TWSG1: variants seen among roughly 807,000 people sequenced by gnomAD.
TWSG1 encodes twisted gastrulation BMP signaling modulator 1.
TWSG1 carries 15 observed loss-of-function variants against 23.0 expected under a neutral mutation model. The observed-to-expected ratio is 0.65, with a 90% CI of 0.44 to 1.00. The LOEUF (loss-of-function observed/expected upper bound fraction) is 1.00, where lower values mean the gene tolerates loss of function less well. TWSG1 is among the 50% of genes least tolerant of loss of function. The pLI, the probability that TWSG1 is intolerant of heterozygous loss-of-function variation, is 0.00. For synonymous variants in TWSG1, 86 were observed against 92.8 expected, an observed-to-expected ratio of 0.93 and a Z score of 0.42; for missense variants, 242 against 278.7, an observed-to-expected ratio of 0.87 and a Z score of 0.94.
At chr18:9,391,577 C>A (rs2040713329) in intron 3 of TWSG1, among the ~76,000 whole-genome samples, 2 of 152,196 alleles carry the variant, frequency 1.3e-5, no homozygotes, top group South Asian at 4.1e-4. Flanking sequence ...GGAGGCACTT[C>A]CTGCTGCCGC....
At chr18:9,372,267 A>G (rs2064849067) in intron 3 of TWSG1, among the ~76,000 whole-genome samples, 1 of 151,558 alleles carries the variant, frequency 6.6e-6, no homozygotes, top group African/African-American at 2.4e-5. Context: ...TAAATACTAT[A>G]CTTTTTCCTA....
At chr18:9,383,395 T>C (rs947932189) in intron 3 of TWSG1, among the ~76,000 whole-genome samples, 3 of 152,072 alleles carry the variant, frequency 2.0e-5, no homozygotes, top group Admixed American at 1.3e-4. Flanking sequence ...GTTTTCACCA[T>C]GTTGGCCAGG....
Position 9,399,467 on chromosome 18 carries a change from T to G in TWSG1, c.612T>G (p.Ile204Met). ...TTCATAATGCCTGCTGCGAGTGCAT[T>G]GGTCCAGAATGTATTGACTATGGTA... ...RWFHNACCECIGPECIDYGSK... is the reference protein window; with the variant it reads ...RWFHNACCECMGPECIDYGSK... Residue 204 changes from isoleucine to methionine, a missense_variant, in exon 5 of 5, where the codon ATT becomes ATG. By Grantham distance (10) the Ile-to-Met change is conservative. Transcript: ENST00000262120. 6.2e-7 allele frequency: 1 copy of G among 1,614,054 alleles called. No individual in the cohort carries two copies. Among genetic ancestry groups the G allele is most frequent in the Non-Finnish European group, 8.5e-7 (1 of 1,179,996 alleles).
intron 2 of TWSG1, among the ~76,000 whole-genome samples, chr18:9,345,864 CAG>C (rs1317413354): frequency 6.6e-6 from 1 of 152,124 alleles, no homozygotes; most frequent in African/African-American, 2.4e-5. Context: ...AAAAATTGAG[CAG>C]AGAGTATAAA....
chr18:9,394,694 T>G lies in TWSG1; in HGVS notation c.224-1586T>G, dbSNP rs1228034326. Among the ~76,000 whole-genome samples, 4 of 151,478 alleles carry G rather than the reference T, an allele frequency of 2.6e-5. No homozygotes were observed. The East Asian group carries it at 7.7e-4, about 29-fold the overall frequency. ...CATAAGTATAATTATTATGTCAATT[T>G]ACAAAAACATTTTATCATTGCATTT... On this transcript the variant is annotated intron_variant, in intron 3 of 4. Transcript: ENST00000262120.
At chr18:9,392,179 A>T (rs2040715969) in intron 3 of TWSG1, among the ~76,000 whole-genome samples, 1 of 152,256 alleles carries the variant, frequency 6.6e-6, no homozygotes, top group Admixed American at 6.5e-5. Flanking sequence ...ACTTCTTTCT[A>T]GCTAGGAAAG....
chr18:9,370,970 T>G (rs2040602399), intron 3 of TWSG1, among the ~76,000 whole-genome samples: 1 of 152,104 alleles, frequency 6.6e-6, no homozygotes, highest in African/African-American at 2.4e-5. Context: ...AATGGAATAA[T>G]GATCACTTAA....
intron 2 of TWSG1, among the ~76,000 whole-genome samples, chr18:9,346,405 T>G (rs531184649): frequency 6.6e-6 from 1 of 152,342 alleles, no homozygotes; most frequent in South Asian, 2.1e-4. Context: ...ACTCACTGAT[T>G]AGTATGGATG....
At chr18:9,368,283 C>T (rs934874865) in intron 3 of TWSG1, among the ~76,000 whole-genome samples, 12 of 152,120 alleles carry the variant, frequency 7.9e-5, no homozygotes, top group Admixed American at 6.5e-4. Flanking sequence ...CTCACTGCAA[C>T]CTCCGCCTCC....
At chr18:9,384,440 A>G (rs552432232) in intron 3 of TWSG1, among the ~76,000 whole-genome samples, 4 of 152,134 alleles carry the variant, frequency 2.6e-5, no homozygotes, top group African/African-American at 4.8e-5. Flanking sequence ...ACATTTTCCA[A>G]CTCCTTCAAG....
At chr18:9,351,648 G>GT (rs2040502818) in intron 2 of TWSG1, among the ~76,000 whole-genome samples, 6 of 97,406 alleles carry the variant, frequency 6.2e-5, no homozygotes, top group Non-Finnish European at 8.8e-5. Context: ...TTGTCTTTTT[G>GT]TTTTTTTGTT....
rs1485109781 is a variant in TWSG1 at position 9,399,904 on chromosome 18, T to C, written c.*377T>C. 2 of 162,092 alleles carry C rather than the reference T, an allele frequency of 1.2e-5. No individual in the cohort carries two copies. Among genetic ancestry groups the C allele is most frequent in the African/African-American group, 4.8e-5 (2 of 41,652 alleles). The allele number at this position is 162,092 out of a possible 1,614,324, so 10.0% of individuals were successfully genotyped here. A position where few individuals can be genotyped will look rare whatever the true frequency, so the allele number is the denominator to read the frequency against. On this transcript the variant is annotated 3_prime_UTR_variant, in exon 5 of 5. Transcript: ENST00000262120. The stretch of plus-strand genomic sequence containing the variant: ...AGCAGAAGCATGTTGATGTGAATTA[T>C]GATTTCTTCATGTGCTACTGTTAGC...
intron 3 of TWSG1, among the ~76,000 whole-genome samples, chr18:9,387,506 C>T (rs745715652): frequency 4.0e-5 from 6 of 151,878 alleles, no homozygotes; most frequent in East Asian, 1.9e-4. Context: ...ATGGCTCATG[C>T]GTAATCCCAG....
chr18:9,396,602 T>C (rs773215209), intron 4 of TWSG1, 56 bp downstream of exon 4: 1 of 1,572,052 alleles, frequency 6.4e-7, no homozygotes, highest in South Asian at 1.2e-5. Flanking sequence ...TCTGTCCATG[T>C]AATCTATAAA....
intron 3 of TWSG1, among the ~76,000 whole-genome samples, chr18:9,360,388 T>C (rs528945686): frequency 4.1e-4 from 63 of 152,220 alleles, no homozygotes; most frequent in African/African-American, 1.5e-3. Flanking sequence ...TAATAAGAAG[T>C]AGGTTTTATA....
chr18:9,336,749 GAT>G (rs2040425232), intron 1 of TWSG1, among the ~76,000 whole-genome samples: 1 of 152,192 alleles, frequency 6.6e-6, no homozygotes, highest in Non-Finnish European at 1.5e-5. Flanking sequence ...TGAGGGTTTA[GAT>G]ATACTCACTC....
At chr18:9,368,109 T>C (rs1439037668) in intron 3 of TWSG1, among the ~76,000 whole-genome samples, 3 of 152,222 alleles carry the variant, frequency 2.0e-5, no homozygotes, top group African/African-American at 7.2e-5. Context: ...CTTTTCTCCA[T>C]GCCCTCCCTC....
In TWSG1 at chr18:9,341,161, G is replaced by A. The variant is rs117061370; in HGVS notation, c.123+3809G>A. Among the ~76,000 whole-genome samples the A allele has an allele frequency of 5.4e-3, 827 of 152,320 alleles. 3 individuals carry two copies. Among genetic ancestry groups the A allele is most frequent in the South Asian group, 0.017 (84 of 4,834 alleles). ...GGGAACATAGGCCCCACCTCTGTTG[G>A]AGGAGTGACAGTGTCATGTTGTAAG... On this transcript the variant is annotated intron_variant, in intron 2 of 4. Coordinates refer to ENST00000262120, the MANE Select transcript of TWSG1 (RefSeq NM_020648.6).
At position 9,399,921 on chromosome 18, in the gene TWSG1, A is replaced by G. The variant is rs192619764; in HGVS notation, c.*394A>G. 5.8e-4 allele frequency: 92 copies of G among 157,488 alleles called. 2 individuals are homozygous for G. In the East Asian group the frequency reaches 0.012, roughly 20 times the overall value. 9.8% of individuals were successfully genotyped at this position (157,488 alleles called of 1,614,324 possible). ...GTGAATTATGATTTCTTCATGTGCT[A>G]CTGTTAGCACACTGAGTTTTTATAG... On this transcript the variant is annotated 3_prime_UTR_variant, in exon 5 of 5. Coordinates refer to ENST00000262120, the MANE Select transcript of TWSG1 (RefSeq NM_020648.6).
Sources: gnomAD v4.1 joint callset for allele counts (sites outside exome capture counted in the v4.1 genomes callset) on GRCh38, gnomAD v4.1.1 for gene constraint, MANE v1.5 for transcripts, NCBI Gene and HGNC (gene_info 2026-07-23, HGNC 2026-07-21) for gene names.